Variants in PKHD1 observed in about 807,000 individuals in gnomAD.
PKHD1 encodes fibrocystin.
In PKHD1, 291 loss-of-function variants were observed where a neutral mutation model predicts 412.0. The ratio of observed to expected loss-of-function variants is 0.71; its 90% CI spans 0.64 to 0.78. PKHD1 has a LOEUF of 0.78. Ranked by LOEUF, PKHD1 falls within the 30% of genes least tolerant of loss-of-function variation. The pLI is 0.00. For synonymous variants in PKHD1, 1,777 were observed against 1,821.5 expected (o/e 0.98, Z 0.62); for missense variants, 4,825 against 4,950.7 (o/e 0.97, Z 0.76).
rs1424642119 is a variant in PKHD1 at position 52,082,404 on chromosome 6, G to A, written c.269C>T (p.Thr90Ile). The change falls in exon 4 of 67, where the codon ACA becomes ATA. Residue 90 changes from threonine to isoleucine, a missense_variant. Physicochemically the swap from Thr to Ile is moderately conservative, Grantham distance 89. Coordinates refer to ENST00000371117, the MANE Select transcript of PKHD1 (RefSeq NM_138694.4). ...FPVFLDLPVV[T>I]CRTRSVLSEA... The stretch of plus-strand genomic sequence containing the variant: ...CAGACAGGTATACCTGGTCCGGCAT[G>A]TCACCACAGGCAAATCCAAGAAAAC... 1 of 1,614,076 alleles carries A rather than the reference G, an allele frequency of 6.2e-7. No individual in the cohort carries two copies. The highest frequency in any genetic ancestry group is 1.7e-5 in the Admixed American group (1 of 60,022).
chr6:52,074,661 G>A (rs571984935), intron 6 of PKHD1, among the ~76,000 whole-genome samples: 98 of 152,226 alleles, frequency 6.4e-4, no homozygotes, highest in African/African-American at 2.3e-3. Flanking sequence ...ACCAGAGCAC[G>A]GTGATGGGGG....
intron 45 of PKHD1, among the ~76,000 whole-genome samples, chr6:51,885,015 G>A (rs1777986502): frequency 6.6e-6 from 1 of 152,114 alleles, no homozygotes; most frequent in Admixed American, 6.5e-5. Context: ...TGGGATATAT[G>A]AAACAAATGT....
At chr6:51,758,047 AG>A (rs1562245918) in intron 55 of PKHD1, among the ~76,000 whole-genome samples, 1,686 of 151,086 alleles carry the variant, frequency 0.011, 33 homozygotes, top group African/African-American at 0.038. Context: ...AGAGAGAGAG[AG>A]AGAGAAAACA....
At chr6:51,980,725 A>G (rs1338398129) in intron 35 of PKHD1, among the ~76,000 whole-genome samples, 1 of 152,228 alleles carries the variant, frequency 6.6e-6, no homozygotes, top group African/African-American at 2.4e-5. Context: ...TTATCAGACT[A>G]TGATCTTACT....
chr6:52,072,855 T>G (rs548693936), intron 7 of PKHD1, among the ~76,000 whole-genome samples: 18 of 152,210 alleles, frequency 1.2e-4, no homozygotes, highest in Non-Finnish European at 2.6e-4. Flanking sequence ...GTTGAATGAT[T>G]ACAGTTGCTT....
intron 36 of PKHD1, among the ~76,000 whole-genome samples, chr6:51,953,033 G>C (rs1447126260): frequency 1.3e-5 from 2 of 152,110 alleles, no homozygotes; most frequent in African/African-American, 2.4e-5. Flanking sequence ...CCATAAAAGA[G>C]TCTGTGACTG....
At position 52,066,700 on chromosome 6, in the gene PKHD1, G is replaced by A. The variant is rs541819254; in HGVS notation, c.779-623C>T. Among the ~76,000 whole-genome samples the A allele has an allele frequency of 1.6e-3, 247 of 152,240 alleles. 2 individuals carry two copies. The highest frequency in any genetic ancestry group is 5.4e-3 in the African/African-American group (226 of 41,534). On this transcript the variant is annotated intron_variant, in intron 11 of 66. Transcript: ENST00000371117. ...GGATCACCTGAGGTCAGGAGTTTGA[G>A]ACCAACATGACCAATATGGTGAAAC...
chr6:52,058,398 A>T lies in PKHD1; in HGVS notation c.1437T>A (p.Asn479Lys), dbSNP rs1268133688. The change falls in exon 16 of 67, where the codon AAT (asparagine) becomes AAA (lysine). Residue 479 changes from asparagine (N) to lysine (K), a missense_variant. Physicochemically the swap from Asn to Lys is moderately conservative, Grantham distance 94. Transcript: ENST00000371117. ...GTAGGTAAGTGGTGACCACATCAGGATTCAGCCAGGTGTTGTGAATCTGGA... is the reference window on the plus strand; with the variant it reads ...GTAGGTAAGTGGTGACCACATCAGGTTTCAGCCAGGTGTTGTGAATCTGGA... ...IGVQIHNTWL[N>K]PDVVTTYLRE... 1.2e-6 allele frequency: 2 copies of T among 1,614,016 alleles called. No individual in the cohort carries two copies. The highest frequency in any genetic ancestry group is 1.7e-5 in the Admixed American group (1 of 59,998).
intron 27 of PKHD1, among the ~76,000 whole-genome samples, chr6:52,040,451 C>A (rs1043414269): frequency 6.6e-6 from 1 of 152,138 alleles, no homozygotes; most frequent in East Asian, 1.9e-4. Context: ...CACACAGCAG[C>A]CTAAGTCAGA....
rs184675596 is a variant in PKHD1 at position 51,909,183 on chromosome 6, C to T, written c.6682+100G>A. 6 of 924,012 alleles carry T rather than the reference C, an allele frequency of 6.5e-6. No homozygotes were observed. The African/African-American group carries it at 9.7e-5, about 15-fold the overall frequency. The allele number at this position is 924,012 out of a possible 1,614,324, so 57.2% of individuals were successfully genotyped here. A position where few individuals can be genotyped will look rare whatever the true frequency, so the allele number is the denominator to read the frequency against. The stretch of plus-strand genomic sequence containing the variant: ...ATATAACAATTATCCATCTCTAAAT[C>T]CCTCAAATCCCACATATCATCTATC... On this transcript the variant is annotated intron_variant, in intron 40 of 66. Coordinates refer to ENST00000371117, the MANE Select transcript of PKHD1 (RefSeq NM_138694.4).
In PKHD1 at chr6:52,058,392, A is replaced by G. The variant is rs1308976262; in HGVS notation, c.1443T>C (p.Asp481=). ...VQIHNTWLNP[D]VVTTYLREKH... Reference sequence around the variant, plus strand: ...TCTCCCGTAGGTAAGTGGTGACCACATCAGGATTCAGCCAGGTGTTGTGAA... The same window carrying G: ...TCTCCCGTAGGTAAGTGGTGACCACGTCAGGATTCAGCCAGGTGTTGTGAA... Residue 481 remains aspartate, a synonymous_variant, in exon 16 of 67, where the codon GAT becomes GAC. Transcript: ENST00000371117. The G allele has an allele frequency of 6.2e-7, 1 of 1,614,060 alleles. No individual in the cohort carries two copies. Among genetic ancestry groups the G allele is most frequent in the Non-Finnish European group, 8.5e-7 (1 of 1,180,024 alleles).
Position 52,062,645 on chromosome 6 carries a change from A to G in PKHD1, c.992T>C (p.Leu331Pro). 1.2e-6 allele frequency: 2 copies of G among 1,614,154 alleles called. No homozygotes were observed. Among genetic ancestry groups the G allele is most frequent in the Non-Finnish European group, 1.7e-6 (2 of 1,179,974 alleles). ...CTCAACAGCATCTCCAACTTCAAAA[A>G]GAAGCCCTCGATTGCCTGTAAGACA... ...TTPQPGNRGL[L>P]FEVGDAVEGL... The change falls in exon 14 of 67, where the codon CTT becomes CCT. Residue 331 changes from leucine to proline, a missense_variant. By Grantham distance (98) the Leu-to-Pro change is moderately conservative. Transcript: ENST00000371117.
Position 51,903,589 on chromosome 6 carries a change from C to T in PKHD1, c.6996+8G>A, listed in dbSNP as rs1212337597. The stretch of plus-strand genomic sequence containing the variant: ...TTCTGGTCTTCCTGGTAGAGCTGAA[C>T]ATCTTACCTCTATAACATTGGTGGG... On this transcript the variant is annotated splice_region_variant and intron_variant, in intron 43 of 66. Transcript: ENST00000371117. 6.2e-7 allele frequency: 1 copy of T among 1,608,530 alleles called. No individual in the cohort carries two copies. Among genetic ancestry groups the T allele is most frequent in the South Asian group, 1.1e-5 (1 of 91,024 alleles).
At chr6:51,620,470 C>T (rs1766464781) in intron 66 of PKHD1, among the ~76,000 whole-genome samples, 2 of 152,092 alleles carry the variant, frequency 1.3e-5, no homozygotes, top group African/African-American at 4.8e-5. Context: ...AAAGGTTGAA[C>T]TTGTCCTAAA....
intron 36 of PKHD1, among the ~76,000 whole-genome samples, chr6:51,954,905 A>C (rs946590421): frequency 1.3e-5 from 2 of 152,040 alleles, no homozygotes; most frequent in Admixed American, 6.6e-5. Flanking sequence ...TCATTCAGGA[A>C]ATATGAATGT....
intron 58 of PKHD1, 47 bp from the exon 59 acceptor site, chr6:51,746,936 C>T (rs1357585397): frequency 1.8e-6 from 2 of 1,129,538 alleles, no homozygotes; most frequent in East Asian, 2.6e-5. Flanking sequence ...ATATAAACCA[C>T]CAGCCACAAA....
intron 66 of PKHD1, among the ~76,000 whole-genome samples, chr6:51,624,917 C>T (rs1264519783): frequency 6.6e-6 from 1 of 152,164 alleles, no homozygotes; most frequent in African/African-American, 2.4e-5. Context: ...TCTCCTGATT[C>T]TCCAACTGAC....
intron 53 of PKHD1, among the ~76,000 whole-genome samples, chr6:51,788,840 C>T (rs1435391045): frequency 2.0e-5 from 3 of 152,146 alleles, no homozygotes; most frequent in East Asian, 3.8e-4. Context: ...CTACTACATA[C>T]CAAGCACTTC....
intron 17 of PKHD1, 49 bp downstream of exon 17, chr6:52,056,841 C>T (rs1176753752): frequency 3.2e-6 from 5 of 1,579,680 alleles, no homozygotes; most frequent in Non-Finnish European, 4.4e-6. Context: ...ATAAAGACCA[C>T]CCCCAGTTCT....
Sources: gnomAD v4.1 joint callset for allele counts (sites outside exome capture counted in the v4.1 genomes callset) on GRCh38, gnomAD v4.1.1 for gene constraint, MANE v1.5 for transcripts, NCBI Gene and HGNC (gene_info 2026-07-23, HGNC 2026-07-21) for gene names.